IMMP2L: variants seen among roughly 807,000 people sequenced by gnomAD.
The protein encoded by IMMP2L is inner mitochondrial membrane peptidase subunit 2.
Under a neutral mutation model 19.3 loss-of-function variants are expected in IMMP2L, and 18 were observed. The observed-to-expected ratio is 0.93, with a 90% CI of 0.64 to 1.38. The LOEUF (loss-of-function observed/expected upper bound fraction) is 1.38, where lower values mean the gene tolerates loss of function less well. Among genes scored for constraint, IMMP2L ranks in the 40% most tolerant of loss-of-function variants. The pLI, the probability that IMMP2L is intolerant of heterozygous loss-of-function variation, is 0.00. For synonymous variants in IMMP2L, 76 were observed against 73.0 expected, an observed-to-expected ratio of 1.04 and a Z score of -0.21; for missense variants, 233 against 218.2, an observed-to-expected ratio of 1.07 and a Z score of -0.43.
chr7:111,404,989 T>A (rs1220903631), intron 3 of IMMP2L, among the ~76,000 whole-genome samples: 2 of 152,104 alleles, frequency 1.3e-5, no homozygotes, highest in African/African-American at 4.8e-5. Context: ...TTACACCAGG[T>A]GTAGATTGCT....
intron 3 of IMMP2L, among the ~76,000 whole-genome samples, chr7:111,445,791 G>C (rs1464121176): frequency 1.3e-5 from 2 of 152,172 alleles, no homozygotes; most frequent in African/African-American, 4.8e-5. Context: ...TTCCATCTGA[G>C]GTACCGGGTT....
chr7:110,779,285 G>GA (rs1316104186), intron 5 of IMMP2L, among the ~76,000 whole-genome samples: 1 of 151,900 alleles, frequency 6.6e-6, no homozygotes, highest in Non-Finnish European at 1.5e-5. Flanking sequence ...CAAATAAAAT[G>GA]AAATCAAAGT....
Position 110,861,840 on chromosome 7 carries a change from T to C in IMMP2L, c.408+24753A>G, listed in dbSNP as rs192516394. Among the ~76,000 whole-genome samples the C allele has an allele frequency of 2.1e-3, 320 of 152,184 alleles. 2 individuals carry two copies. The highest frequency in any genetic ancestry group is 7.1e-3 in the African/African-American group (294 of 41,528). On this transcript the variant is annotated intron_variant, in intron 5 of 5. Transcript: ENST00000405709. The stretch of plus-strand genomic sequence containing the variant: ...TATTTTAAGGATAATTCAGAAGATA[T>C]GAAACTTGTCAATCTGTTTACCAAA...
At chr7:110,669,120 G>A (rs199877187) in intron 5 of IMMP2L, among the ~76,000 whole-genome samples, 3 of 149,660 alleles carry the variant, frequency 2.0e-5, no homozygotes, top group African/African-American at 7.6e-5. Flanking sequence ...GAGAGAGAGA[G>A]AGAGAAAGAG....
At chr7:111,198,332 C>T (rs1562916109) in intron 3 of IMMP2L, among the ~76,000 whole-genome samples, 2 of 152,134 alleles carry the variant, frequency 1.3e-5, no homozygotes, top group African/African-American at 4.8e-5. Context: ...GAACGGCTCT[C>T]GGTCATATTC....
At chr7:111,209,024 T>C (rs774387828) in intron 3 of IMMP2L, among the ~76,000 whole-genome samples, 3 of 152,222 alleles carry the variant, frequency 2.0e-5, no homozygotes, top group Non-Finnish European at 2.9e-5. Context: ...GATAGCATTA[T>C]AAGAATCTGT....
At chr7:110,825,881 A>T (rs866929117) in intron 5 of IMMP2L, among the ~76,000 whole-genome samples, 16 of 152,298 alleles carry the variant, frequency 1.1e-4, no homozygotes, top group South Asian at 6.2e-4. Flanking sequence ...AAAAGAAACC[A>T]CCATCAGAGT....
intron 3 of IMMP2L, among the ~76,000 whole-genome samples, chr7:111,172,791 C>A (rs907520241): frequency 2.0e-5 from 3 of 151,482 alleles, no homozygotes; most frequent in Non-Finnish European, 4.4e-5. Context: ...TAATGTGTTG[C>A]AAGCTCATGT....
At chr7:111,026,884 C>CT (rs1187616133) in intron 3 of IMMP2L, among the ~76,000 whole-genome samples, 1 of 152,026 alleles carries the variant, frequency 6.6e-6, no homozygotes, top group African/African-American at 2.4e-5. Flanking sequence ...TTTATTTCCT[C>CT]TTTTTTTCTG....
intron 4 of IMMP2L, among the ~76,000 whole-genome samples, chr7:110,935,200 A>C (rs2129552240): frequency 6.6e-6 from 1 of 152,298 alleles, no homozygotes; most frequent in African/African-American, 2.4e-5. Context: ...TGGTGGTGAC[A>C]AAATCTCTCA....
At chr7:111,196,689 AAAT>A (rs1809538149) in intron 3 of IMMP2L, among the ~76,000 whole-genome samples, 1 of 152,218 alleles carries the variant, frequency 6.6e-6, no homozygotes, top group Non-Finnish European at 1.5e-5. Flanking sequence ...ATTTAAATTT[AAAT>A]AATCATTTTT....
intron 3 of IMMP2L, among the ~76,000 whole-genome samples, chr7:111,297,489 T>G (rs1821756573): frequency 6.6e-6 from 1 of 152,256 alleles, no homozygotes; most frequent in South Asian, 2.1e-4. Flanking sequence ...AATCACTTTA[T>G]AAAACATTTT....
At chr7:111,211,263 C>A (rs376264773) in intron 3 of IMMP2L, among the ~76,000 whole-genome samples, 1 of 152,102 alleles carries the variant, frequency 6.6e-6, no homozygotes, top group East Asian at 1.9e-4. Flanking sequence ...AAGGAGTTAA[C>A]GTGGAGGGCA....
intron 4 of IMMP2L, among the ~76,000 whole-genome samples, chr7:110,910,666 T>G (rs1392544116): frequency 6.6e-6 from 1 of 151,872 alleles, no homozygotes; most frequent in African/African-American, 2.4e-5. Context: ...AAAAATTGGG[T>G]TGTATTTGGG....
intron 5 of IMMP2L, among the ~76,000 whole-genome samples, chr7:110,735,142 A>T (rs1361734426): frequency 2.6e-5 from 4 of 152,166 alleles, no homozygotes; most frequent in Non-Finnish European, 5.9e-5. Flanking sequence ...CCATCTCCTG[A>T]CACGTGCGCA....
At chr7:111,048,520 T>C (rs971323834) in intron 3 of IMMP2L, among the ~76,000 whole-genome samples, 1 of 152,140 alleles carries the variant, frequency 6.6e-6, no homozygotes, top group Non-Finnish European at 1.5e-5. Flanking sequence ...GTACATATTG[T>C]ACCTTAATCA....
intron 3 of IMMP2L, among the ~76,000 whole-genome samples, chr7:111,107,854 A>G (rs1008269882): frequency 6.6e-6 from 1 of 151,998 alleles, no homozygotes; most frequent in Non-Finnish European, 1.5e-5. Flanking sequence ...AATATTATAG[A>G]CTCTAGCATG....
intron 3 of IMMP2L, among the ~76,000 whole-genome samples, chr7:111,055,030 G>A (rs1793369718): frequency 6.6e-6 from 1 of 150,544 alleles, no homozygotes; most frequent in Non-Finnish European, 1.5e-5. Context: ...TCTAGTCATG[G>A]ATTTGACACG....
chr7:110,967,615 G>A (rs1259298901), intron 3 of IMMP2L, among the ~76,000 whole-genome samples: 1 of 151,804 alleles, frequency 6.6e-6, no homozygotes, highest in Non-Finnish European at 1.5e-5. Context: ...ACCATGTATT[G>A]GACACTATTT....
Sources: allele counts gnomAD v4.1 joint callset (sites outside exome capture counted in the v4.1 genomes callset), GRCh38; gene constraint gnomAD v4.1.1; transcripts MANE v1.5; gene names NCBI Gene and HGNC (gene_info 2026-07-23, HGNC 2026-07-21).